DGKB: variants seen among roughly 807,000 people sequenced by gnomAD.
DGKB encodes the protein 90 kDa diacylglycerol kinase.
A neutral mutation model predicts 114.3 loss-of-function variants in DGKB; 67 were observed. That is an observed-to-expected ratio of 0.59 (90% CI 0.48 to 0.72). The LOEUF is 0.72. Among genes scored for constraint, DGKB ranks in the 30% least tolerant of loss-of-function variants. DGKB has a pLI of 0.00. For synonymous variants in DGKB, 398 were observed against 323.1 expected (o/e 1.23, Z -2.49); for missense variants, 907 against 975.2 (o/e 0.93, Z 0.93).
intron 5 of DGKB, among the ~76,000 whole-genome samples, chr7:14,720,337 C>G (rs1159859451): frequency 6.6e-6 from 1 of 151,968 alleles, no homozygotes; most frequent in Non-Finnish European, 1.5e-5. Context: ...GAGTCTCGCT[C>G]TGTAACCCAG....
chr7:14,206,803 A>G (rs1786901723), intron 23 of DGKB, among the ~76,000 whole-genome samples: 1 of 152,102 alleles, frequency 6.6e-6, no homozygotes, highest in Non-Finnish European at 1.5e-5. Flanking sequence ...GTAATATTAT[A>G]ATGCATAAAG....
intron 15 of DGKB, among the ~76,000 whole-genome samples, chr7:14,615,142 T>G (rs963672833): frequency 4.6e-5 from 7 of 152,072 alleles, no homozygotes. Context: ...TTAGTTGACT[T>G]TTTAGTCAAT....
chr7:14,566,706 A>T (rs999100765), intron 20 of DGKB, among the ~76,000 whole-genome samples: 1 of 151,952 alleles, frequency 6.6e-6, no homozygotes, highest in Non-Finnish European at 1.5e-5. Context: ...CATGTTACTC[A>T]CTCCCCCTAT....
In DGKB at chr7:14,283,954, G is replaced by A. The variant is rs1800393452; in HGVS notation, c.2122+54561C>T. ...ATTACCATTCAGGACATAGGCATGG[G>A]CAAGGACTTCATGTCTAAAACACCA... On this transcript the variant is annotated intron_variant, in intron 23 of 25. Coordinates refer to ENST00000402815, the MANE Select transcript of DGKB (RefSeq NM_001350709.2). Among the ~76,000 whole-genome samples the A allele has an allele frequency of 2.6e-5, 4 of 152,182 alleles. 1 individual carries two copies. In the South Asian group the frequency reaches 6.2e-4, roughly 24 times the overall value.
At chr7:14,222,785 A>G (rs1423284251) in intron 23 of DGKB, among the ~76,000 whole-genome samples, 1 of 151,078 alleles carries the variant, frequency 6.6e-6, no homozygotes, top group African/African-American at 2.4e-5. Context: ...TGAATTGTCT[A>G]TTTCTCCTTC....
intron 1 of DGKB, among the ~76,000 whole-genome samples, chr7:14,942,617 C>A (rs189746644): frequency 1.2e-3 from 187 of 152,058 alleles, no homozygotes; most frequent in Non-Finnish European, 9.0e-4. Flanking sequence ...TACCACTCTT[C>A]CTCCAGTTTA....
intron 21 of DGKB, among the ~76,000 whole-genome samples, chr7:14,471,260 T>C: frequency 7.2e-6 from 1 of 138,496 alleles, no homozygotes; most frequent in Non-Finnish European, 1.5e-5. Flanking sequence ...TATATGTGTA[T>C]GGAATATATG....
chr7:14,684,004 TTAAA>T (rs1821266821), intron 10 of DGKB, among the ~76,000 whole-genome samples: 1 of 152,120 alleles, frequency 6.6e-6, no homozygotes, highest in African/African-American at 2.4e-5. Flanking sequence ...ATTCCTTTTC[TTAAA>T]TATAATAGAA....
rs372498062 is a variant in DGKB at position 14,478,107 on chromosome 7, T to C, written c.1835+54A>G. On this transcript the variant is annotated intron_variant, in intron 21 of 25. Coordinates refer to ENST00000402815, the MANE Select transcript of DGKB (RefSeq NM_001350709.2). Reference sequence around the variant, plus strand: ...TATTCTGTACCATCTAGTGATCTTTTTATGGCAAAATTCAGCAACTATATC... The same window carrying C: ...TATTCTGTACCATCTAGTGATCTTTCTATGGCAAAATTCAGCAACTATATC... 85 of 1,295,474 alleles carry C rather than the reference T, an allele frequency of 6.6e-5. No individual in the cohort carries two copies. The African/African-American group carries it at 1.2e-3, about 18-fold the overall frequency. The allele number at this position is 1,295,474 out of a possible 1,614,324, so 80.2% of individuals were successfully genotyped here. A position where few individuals can be genotyped will look rare whatever the true frequency, so the allele number is the denominator to read the frequency against.
chr7:14,449,806 G>T (rs1252871136), intron 21 of DGKB, among the ~76,000 whole-genome samples: 1 of 152,034 alleles, frequency 6.6e-6, no homozygotes, highest in Non-Finnish European at 1.5e-5. Context: ...AGCTTTAAAA[G>T]AATAAGAGCA....
chr7:14,499,646 C>T (rs1156670319), intron 20 of DGKB, among the ~76,000 whole-genome samples: 1 of 151,734 alleles, frequency 6.6e-6, no homozygotes, highest in Non-Finnish European at 1.5e-5. Context: ...ACTGAGGCAA[C>T]ACCTTAAATG....
At chr7:14,695,578 C>A (rs893582529) in intron 8 of DGKB, among the ~76,000 whole-genome samples, 2 of 139,618 alleles carry the variant, frequency 1.4e-5, no homozygotes, top group East Asian at 4.6e-4. Context: ...GGGCTCATAG[C>A]AAGCTCCGCC....
At chr7:14,735,119 C>T (rs1046076762) in intron 5 of DGKB, among the ~76,000 whole-genome samples, 1 of 152,196 alleles carries the variant, frequency 6.6e-6, no homozygotes, top group Non-Finnish European at 1.5e-5. Flanking sequence ...CCAACAAAAG[C>T]ACAATGAGCT....
intron 4 of DGKB, among the ~76,000 whole-genome samples, chr7:14,750,712 A>G (rs1833975337): frequency 6.6e-6 from 1 of 151,912 alleles, no homozygotes; most frequent in Non-Finnish European, 1.5e-5. Context: ...AGACATTCTA[A>G]GCCTTTTTAC....
chr7:14,574,321 G>A lies in DGKB; in HGVS notation c.1661C>T (p.Thr554Ile), dbSNP rs1268409743. The change falls in exon 20 of 26, where the codon ACA becomes ATA. Residue 554 changes from threonine (T) to isoleucine (I), a missense_variant. By Grantham distance (89) the Thr-to-Ile change is moderately conservative. This residue lies in a region of DGKB where 814 missense variants were observed against 856.6 expected (regional missense o/e 0.95). Coordinates refer to ENST00000402815, the MANE Select transcript of DGKB (RefSeq NM_001350709.2). ...CTTCCACCTGTCCAACATGATTTCT[G>A]TGCTGTTTTCAATGTCTTTTAGAAT... ...MKILKDIENS[T>I]EIMLDRWKFE... The A allele has an allele frequency of 1.9e-6, 3 of 1,612,970 alleles. No homozygotes were observed. The highest frequency in any genetic ancestry group is 2.5e-6 in the Non-Finnish European group (3 of 1,179,542).
At chr7:14,294,539 G>C (rs1562862448) in intron 23 of DGKB, among the ~76,000 whole-genome samples, 1 of 152,164 alleles carries the variant, frequency 6.6e-6, no homozygotes, top group African/African-American at 2.4e-5. Flanking sequence ...ATTGCAAACA[G>C]TATAAGGTGA....
At position 14,529,770 on chromosome 7, in the gene DGKB, T is replaced by C. The variant is rs79248988; in HGVS notation, c.1770+44442A>G. 5.1e-4 allele frequency among the ~76,000 whole-genome samples: 78 copies of C among 151,916 alleles called. 1 individual carries two copies. In the East Asian group the frequency reaches 0.014, roughly 28 times the overall value. On this transcript the variant is annotated intron_variant, in intron 20 of 25. Coordinates refer to ENST00000402815, the MANE Select transcript of DGKB (RefSeq NM_001350709.2). ...TCTCCAACAGGTCCATGAAACAAAATACACTTTTGAGTATTGTTGCATGGC... is the reference window on the plus strand; with the variant it reads ...TCTCCAACAGGTCCATGAAACAAAACACACTTTTGAGTATTGTTGCATGGC...
At chr7:14,648,616 T>C (rs62445651) in intron 13 of DGKB, among the ~76,000 whole-genome samples, 6,632 of 152,110 alleles carry the variant, frequency 0.044, 187 homozygotes, top group African/African-American at 0.082. Flanking sequence ...ATGCAGTTCC[T>C]CACCAGCAAC....
intron 20 of DGKB, among the ~76,000 whole-genome samples, chr7:14,569,331 C>T (rs919913476): frequency 6.6e-6 from 1 of 152,138 alleles, no homozygotes; most frequent in Non-Finnish European, 1.5e-5. Flanking sequence ...TCAAAGCCAC[C>T]TTATTTGTTT....
Sources: allele counts gnomAD v4.1 joint callset (sites outside exome capture counted in the v4.1 genomes callset), GRCh38; gene constraint gnomAD v4.1.1; regional missense constraint gnomAD v4.1.1; transcripts MANE v1.5; gene names NCBI Gene and HGNC (gene_info 2026-07-23, HGNC 2026-07-21).